The following RAB15 variants were observed in gnomAD, a reference collection of about 807,000 sequenced individuals.
The protein encoded by RAB15 is ras-related protein Rab-15.
RAB15 carries 13 observed loss-of-function variants against 31.8 expected under a neutral mutation model. The ratio of observed to expected loss-of-function variants is 0.41; its 90% CI spans 0.27 to 0.65. The LOEUF is 0.65. Among genes scored for constraint, RAB15 ranks in the 30% least tolerant of loss-of-function variants. RAB15 has a pLI of 0.32. For missense variants in RAB15, 220 were observed against 277.3 expected, an observed-to-expected ratio of 0.79 and a Z score of 1.47; for synonymous variants, 100 against 105.6, an observed-to-expected ratio of 0.95 and a Z score of 0.33.
chr14:64,949,758 A>AT (rs1555385655), intron 5 of RAB15, among the ~76,000 whole-genome samples: 4 of 151,504 alleles, frequency 2.6e-5, no homozygotes, highest in Non-Finnish European at 5.9e-5. Context: ...GAAAAAAAAA[A>AT]TAACCAATAT....
chr14:64,961,752 T>A (rs1395342360), intron 1 of RAB15, among the ~76,000 whole-genome samples: 1 of 151,524 alleles, frequency 6.6e-6, no homozygotes, highest in Admixed American at 6.6e-5. Context: ...CTGCAAAAAA[T>A]TTAAAAATTA....
rs1313246651 is a variant in RAB15, at chr14:64,946,924, C to A, written c.*1430G>T. 1 of 152,608 alleles carries A rather than the reference C, an allele frequency of 6.6e-6. No homozygotes were observed. The highest frequency in any genetic ancestry group is 1.5e-5 in the Non-Finnish European group (1 of 68,050). 9.5% of individuals were successfully genotyped at this position (152,608 alleles called of 1,614,324 possible). ...GGGCCATATGGGGTTAAAGAAACTT[C>A]CTGAACATAGCACTCTGGAGGAAGG... On this transcript the variant is annotated 3_prime_UTR_variant, in exon 7 of 7. Transcript: ENST00000533601.
intron 1 of RAB15, among the ~76,000 whole-genome samples, chr14:64,956,427 AAAAG>A (rs1273623073): frequency 3.3e-5 from 5 of 150,102 alleles, no homozygotes; most frequent in African/African-American, 4.9e-5. Flanking sequence ...AAAAAAAAAG[AAAAG>A]AAAGGAAAAG....
intron 1 of RAB15, among the ~76,000 whole-genome samples, chr14:64,960,189 G>A (rs1429076564): frequency 6.6e-6 from 1 of 152,200 alleles, no homozygotes; most frequent in Non-Finnish European, 1.5e-5. Context: ...TCTGGGCACC[G>A]GGGGCAGGGG....
chr14:64,954,176 T>C lies in RAB15; in HGVS notation c.125-1605A>G, dbSNP rs993355222. On this transcript the variant is annotated intron_variant, in intron 1 of 6. Coordinates refer to ENST00000533601, the MANE Select transcript of RAB15 (RefSeq NM_001308154.2). The surrounding 1 kb of genome is among the most constrained non-coding windows in gnomAD (Gnocchi z 4.3). ...CCAAGCTGATTCATATCCATTGAGC[T>C]GTACTTTTCCAAATGGGCAATGCCT... 7.1e-6 allele frequency: 7 copies of C among 985,316 alleles called. No individual in the cohort carries two copies. The highest frequency in any genetic ancestry group is 8.4e-6 in the Non-Finnish European group (7 of 829,942). The allele number at this position is 985,316 out of a possible 1,614,324, so 61.0% of individuals were successfully genotyped here.
intron 1 of RAB15, among the ~76,000 whole-genome samples, chr14:64,959,343 G>A (rs1459033299): frequency 2.6e-5 from 4 of 152,180 alleles, no homozygotes; most frequent in African/African-American, 9.7e-5. Flanking sequence ...TGAGCCAGAT[G>A]CTTCAACAAG....
Position 64,950,258 on chromosome 14 carries a change from C to T in RAB15, c.414+67G>A, listed in dbSNP as rs995043706. 4.2e-5 allele frequency: 56 copies of T among 1,326,752 alleles called. No homozygotes were observed. The highest frequency in any genetic ancestry group is 2.0e-4 in the Middle Eastern group (1 of 4,890). The allele number at this position is 1,326,752 out of a possible 1,614,324, so 82.2% of individuals were successfully genotyped here. On this transcript the variant is annotated intron_variant, in intron 5 of 6. Transcript: ENST00000533601. This position sits in a 1 kb window ranked among gnomAD's most constrained non-coding sequence, Gnocchi z 5.6. ...TGGGGAACACACCCCTAGGTCCCCACGCTCAGGACTGGCCCTGGAGGCCCA... is the reference window on the plus strand; with the variant it reads ...TGGGGAACACACCCCTAGGTCCCCATGCTCAGGACTGGCCCTGGAGGCCCA...
rs769785231 is a variant in RAB15, at chr14:64,948,655, C to T, written c.480+13G>A. On this transcript the variant is annotated intron_variant, in intron 6 of 6. Transcript: ENST00000533601. The surrounding 1 kb of genome is among the most constrained non-coding windows in gnomAD (Gnocchi z 7.0). ...GCCCGAGAGAGCGGGCGCCTGGTCA[C>T]CAGGGCTCTCACCTCTTTAATGTTG... is the stretch of plus-strand genomic sequence containing the variant. 2.5e-6 allele frequency: 4 copies of T among 1,613,954 alleles called. No individual in the cohort carries two copies. Among genetic ancestry groups the T allele is most frequent in the Admixed American group, 3.3e-5 (2 of 60,008 alleles).
intron 1 of RAB15, among the ~76,000 whole-genome samples, chr14:64,967,872 G>A (rs545635085): frequency 6.6e-6 from 1 of 152,274 alleles, no homozygotes; most frequent in African/African-American, 2.4e-5. Context: ...TACCACTGGG[G>A]GTGAGGGGCC....
chr14:64,962,624 G>A lies in RAB15; in HGVS notation c.124+9329C>T, dbSNP rs1252710984. On this transcript the variant is annotated intron_variant, in intron 1 of 6. Coordinates refer to ENST00000533601, the MANE Select transcript of RAB15 (RefSeq NM_001308154.2). This position sits in a 1 kb window ranked among gnomAD's most constrained non-coding sequence, Gnocchi z 4.2. ...GTAACATTTGAGCTGAGACCTAAAT[G>A]ACAAGAAGGTGCCAGCAGGGAGATC... is the stretch of plus-strand genomic sequence containing the variant. Among the ~76,000 whole-genome samples the A allele has an allele frequency of 6.6e-6, 1 of 152,214 alleles. No homozygotes were observed.
intron 1 of RAB15, among the ~76,000 whole-genome samples, chr14:64,956,507 G>C (rs1886576098): frequency 6.6e-6 from 1 of 152,106 alleles, no homozygotes; most frequent in African/African-American, 2.4e-5. Context: ...GGCCCTCTAG[G>C]TATGGGGTCC....
At position 64,955,100 on chromosome 14, in the gene RAB15, CCCA is replaced by C. The variant is rs1886470047; in HGVS notation, c.125-2532_125-2530del. ...CAGCACTCCCCGGCCTCACACACAC[CCCA>C]CCATCTTGCAACCTAGGTCTCACTG... is the stretch of plus-strand genomic sequence containing the variant. On this transcript the variant is annotated intron_variant, in intron 1 of 6. Transcript: ENST00000533601. The surrounding 1 kb of genome is among the most constrained non-coding windows in gnomAD (Gnocchi z 4.4). Among the ~76,000 whole-genome samples, 1 of 152,106 alleles carries C rather than the reference CCCA, an allele frequency of 6.6e-6. No homozygotes were observed. The highest frequency in any genetic ancestry group is 2.1e-4 in the South Asian group (1 of 4,824).
intron 1 of RAB15, among the ~76,000 whole-genome samples, chr14:64,964,257 C>G (rs1028267084): frequency 6.6e-6 from 1 of 152,032 alleles, no homozygotes; most frequent in Admixed American, 6.5e-5. Flanking sequence ...GGCGTGGTGG[C>G]TCATGCCCGT....
In RAB15 at chr14:64,955,242, C is replaced by T. The variant is rs532537801; in HGVS notation, c.125-2671G>A. The stretch of plus-strand genomic sequence containing the variant: ...TGAAGGATTTTCCTTCCTCCCTCCC[C>T]GCCCACACAACCTCTCTTAAATTTA... On this transcript the variant is annotated intron_variant, in intron 1 of 6. Coordinates refer to ENST00000533601, the MANE Select transcript of RAB15 (RefSeq NM_001308154.2). The surrounding 1 kb of genome is among the most constrained non-coding windows in gnomAD (Gnocchi z 4.4). Among the ~76,000 whole-genome samples, 15 of 152,258 alleles carry T rather than the reference C, an allele frequency of 9.9e-5. No individual in the cohort carries two copies. Among genetic ancestry groups the T allele is most frequent in the East Asian group, 1.9e-4 (1 of 5,188 alleles).
chr14:64,970,593 G>A lies in RAB15; in HGVS notation c.124+1360C>T, dbSNP rs895567658. Among the ~76,000 whole-genome samples, 1 of 152,208 alleles carries A rather than the reference G, an allele frequency of 6.6e-6. No homozygotes were observed. The highest frequency in any genetic ancestry group is 2.4e-5 in the African/African-American group (1 of 41,440). On this transcript the variant is annotated intron_variant, in intron 1 of 6. Coordinates refer to ENST00000533601, the MANE Select transcript of RAB15 (RefSeq NM_001308154.2). The surrounding 1 kb of genome is among the most constrained non-coding windows in gnomAD (Gnocchi z 4.1). ...AAGCTCAATGATAATGGCAATAGCA[G>A]TAAGAACAATCAGCATTTATCGAGC...
rs928919097 is a variant in RAB15, at chr14:64,945,938, G to A, written c.*2416C>T. ...TCACCCGTCACAGGGAGATAGTGGA[G>A]GCTCAGGAGCAGGTGGCGTGCCTGG... On this transcript the variant is annotated 3_prime_UTR_variant, in exon 7 of 7. Coordinates refer to ENST00000533601, the MANE Select transcript of RAB15 (RefSeq NM_001308154.2). 4 of 152,796 alleles carry A rather than the reference G, an allele frequency of 2.6e-5. No homozygotes were observed. Among genetic ancestry groups the A allele is most frequent in the Non-Finnish European group, 5.9e-5 (4 of 68,144 alleles). The allele number at this position is 152,796 out of a possible 1,614,324, so 9.5% of individuals were successfully genotyped here.
chr14:64,965,223 C>T (rs1166833565), intron 1 of RAB15, among the ~76,000 whole-genome samples: 3 of 151,928 alleles, frequency 2.0e-5, no homozygotes, highest in Non-Finnish European at 4.4e-5. Context: ...TTTGGGAGGC[C>T]GAGGTGGGTG....
chr14:64,960,389 C>T (rs1170629781), intron 1 of RAB15, among the ~76,000 whole-genome samples: 1 of 152,182 alleles, frequency 6.6e-6, no homozygotes, highest in Non-Finnish European at 1.5e-5. Flanking sequence ...TCACTGTCTG[C>T]CTCCCTAGAA....
chr14:64,948,045 C>A lies in RAB15; in HGVS notation c.*309G>T, dbSNP rs191126978. ...CAGCTGAAAGTGGCCTGGACTCCAG[C>A]CCTGGCTGTTGTCTGGTGGGTGCGG... On this transcript the variant is annotated 3_prime_UTR_variant, in exon 7 of 7. Transcript: ENST00000533601. This position sits in a 1 kb window ranked among gnomAD's most constrained non-coding sequence, Gnocchi z 7.0. The A allele has an allele frequency of 9.9e-4, 317 of 318,808 alleles. 2 individuals carry two copies. Among genetic ancestry groups the A allele is most frequent in the African/African-American group, 6.1e-3 (287 of 47,048 alleles). The allele number at this position is 318,808 out of a possible 1,614,324, so 19.7% of individuals were successfully genotyped here.
Sources: allele counts gnomAD v4.1 joint callset (sites outside exome capture counted in the v4.1 genomes callset), GRCh38; gene constraint gnomAD v4.1.1; non-coding constraint Gnocchi (gnomAD v3.1); transcripts MANE v1.5; gene names NCBI Gene and HGNC (gene_info 2026-07-23, HGNC 2026-07-21).